FARS2: variants seen among roughly 807,000 people sequenced by gnomAD.
FARS2 encodes phenylalanine--tRNA ligase, mitochondrial.
FARS2 carries 40 observed loss-of-function variants against 46.4 expected under a neutral mutation model. The ratio of observed to expected loss-of-function variants is 0.86; its 90% confidence interval spans 0.67 to 1.12. The LOEUF is 1.12. Ranked by LOEUF, FARS2 falls within the 50% of genes most tolerant of loss-of-function variation. FARS2 has a pLI of 0.00. For missense variants in FARS2, 513 were observed against 567.9 expected (o/e 0.90, Z 0.98); for synonymous variants, 234 against 214.9 (o/e 1.09, Z -0.78).
intron 1 of FARS2, among the ~76,000 whole-genome samples, chr6:5,347,725 G>A (rs1408811510): frequency 2.6e-5 from 4 of 152,148 alleles, no homozygotes; most frequent in Admixed American, 6.5e-5. Context: ...AACATTGCCG[G>A]CCATTTTTCT....
intron 6 of FARS2, among the ~76,000 whole-genome samples, chr6:5,718,624 A>G (rs1759678405): frequency 6.6e-6 from 1 of 152,002 alleles, no homozygotes; most frequent in Admixed American, 6.6e-5. Context: ...TTTTTTTTAA[A>G]CCAAAGCCTC....
At chr6:5,553,170 T>G (rs1771466832) in intron 5 of FARS2, among the ~76,000 whole-genome samples, 1 of 152,184 alleles carries the variant, frequency 6.6e-6, no homozygotes, top group Non-Finnish European at 1.5e-5. Context: ...GTTGAAGGGT[T>G]TTACTGGCTC....
chr6:5,703,729 C>G (rs541405057), intron 6 of FARS2, among the ~76,000 whole-genome samples: 11 of 152,288 alleles, frequency 7.2e-5, no homozygotes, highest in African/African-American at 2.6e-4. Flanking sequence ...TGCTTCCGTG[C>G]AAAGGTGGAC....
In FARS2 at chr6:5,468,031, C is replaced by A. The variant is rs78950465; in HGVS notation, c.904+36859C>A. Among the ~76,000 whole-genome samples, 1,266 of 152,244 alleles carry A rather than the reference C, an allele frequency of 8.3e-3. 12 individuals are homozygous for A. The highest frequency in any genetic ancestry group is 0.029 in the African/African-American group (1,210 of 41,534). On this transcript the variant is annotated intron_variant, in intron 4 of 6. Transcript: ENST00000274680. ...TGAGGCCAGTAGTAAAAACTTATAG[C>A]CACCAAATATCAGAGTTGGAAGGGA...
chr6:5,543,115 G>A (rs952690531), intron 4 of FARS2, among the ~76,000 whole-genome samples: 1 of 152,172 alleles, frequency 6.6e-6, no homozygotes, highest in African/African-American at 2.4e-5. Flanking sequence ...AGCCTGTGAT[G>A]TGCTGGAAAT....
chr6:5,661,793 C>G (rs1777863143), intron 6 of FARS2, among the ~76,000 whole-genome samples: 1 of 146,276 alleles, frequency 6.8e-6, no homozygotes, highest in African/African-American at 2.7e-5. Flanking sequence ...AGAAGAGAGA[C>G]AAGGCCATGC....
intron 6 of FARS2, among the ~76,000 whole-genome samples, chr6:5,721,244 A>G (rs1249963206): frequency 1.3e-5 from 2 of 152,192 alleles, no homozygotes; most frequent in African/African-American, 2.4e-5. Context: ...GTCTAAGAAG[A>G]CAACTAGCTT....
At chr6:5,334,262 G>A (rs766259277) in intron 1 of FARS2, among the ~76,000 whole-genome samples, 11 of 152,152 alleles carry the variant, frequency 7.2e-5, no homozygotes, top group Non-Finnish European at 1.6e-4. Flanking sequence ...TATGGCACTC[G>A]TACATTGTTG....
intron 6 of FARS2, among the ~76,000 whole-genome samples, chr6:5,685,415 C>T (rs1447559391): frequency 2.0e-5 from 3 of 152,174 alleles, no homozygotes; most frequent in Admixed American, 6.5e-5. Context: ...CATCCTAAAT[C>T]GTGGCCACGG....
At chr6:5,651,420 A>G (rs1277569051) in intron 6 of FARS2, among the ~76,000 whole-genome samples, 1 of 152,230 alleles carries the variant, frequency 6.6e-6, no homozygotes, top group East Asian at 1.9e-4. Context: ...ACAGGCCTTC[A>G]TCTTGGTAGA....
At chr6:5,365,565 T>C (rs1430039819) in intron 1 of FARS2, among the ~76,000 whole-genome samples, 6 of 148,470 alleles carry the variant, frequency 4.0e-5, no homozygotes, top group African/African-American at 1.5e-4. Context: ...TTGCCCAGGC[T>C]GCTCTCAAAC....
upstream of FARS2, chr6:5,260,978 G>A (rs1765065088): frequency 8.3e-7 from 1 of 1,203,494 alleles, no homozygotes. Context: ...GGTGCTGGGA[G>A]GGAGATGCCT....
intron 6 of FARS2, among the ~76,000 whole-genome samples, chr6:5,677,429 T>C (rs1778822029): frequency 6.6e-6 from 1 of 152,226 alleles, no homozygotes; most frequent in African/African-American, 2.4e-5. Context: ...TTAAAGAACT[T>C]GGCAATGAAC....
intron 5 of FARS2, among the ~76,000 whole-genome samples, chr6:5,591,618 G>A (rs1257721614): frequency 6.6e-6 from 1 of 152,206 alleles, no homozygotes; most frequent in Non-Finnish European, 1.5e-5. Context: ...GAGCTTGAAG[G>A]AACCTCAGCT....
intron 1 of FARS2, among the ~76,000 whole-genome samples, chr6:5,306,990 A>G (rs1221468600): frequency 6.6e-6 from 1 of 152,230 alleles, no homozygotes; most frequent in Non-Finnish European, 1.5e-5. Context: ...GACCCCTCCA[A>G]CAGAATGCAA....
chr6:5,735,620 G>A (rs898148877), intron 6 of FARS2, among the ~76,000 whole-genome samples: 2 of 152,186 alleles, frequency 1.3e-5, no homozygotes, highest in Admixed American at 6.5e-5. Context: ...ATACAGTCCT[G>A]GCTGTTTTCT....
At chr6:5,265,243 C>G (rs1469654991) in intron 1 of FARS2, among the ~76,000 whole-genome samples, 2 of 152,100 alleles carry the variant, frequency 1.3e-5, no homozygotes, top group African/African-American at 4.8e-5. Context: ...AAGTAAAAGC[C>G]AGATGAGGAA....
intron 1 of FARS2, among the ~76,000 whole-genome samples, chr6:5,310,935 G>T (rs1769043324): frequency 6.6e-6 from 1 of 152,180 alleles, no homozygotes; most frequent in African/African-American, 2.4e-5. Context: ...GTGCAGTTTA[G>T]CAATATCAAA....
intron 1 of FARS2, among the ~76,000 whole-genome samples, chr6:5,295,616 T>C (rs1335788315): frequency 6.6e-6 from 1 of 152,246 alleles, no homozygotes; most frequent in East Asian, 1.9e-4. Context: ...ATTTATAGGA[T>C]AACCATAGTC....
Sources: gnomAD v4.1 joint callset for allele counts (sites outside exome capture counted in the v4.1 genomes callset) on GRCh38, gnomAD v4.1.1 for gene constraint, MANE v1.5 for transcripts, NCBI Gene and HGNC (gene_info 2026-07-23, HGNC 2026-07-21) for gene names.